Variants in SPTBN1 observed in about 807,000 individuals in gnomAD.
SPTBN1 encodes the protein spectrin beta, non-erythrocytic 1, also known as spectrin beta chain, non-erythrocytic 1.
In SPTBN1, 32 loss-of-function variants were observed where a neutral mutation model predicts 266.4. The observed-to-expected ratio is 0.12, with a 90% confidence interval of 0.09 to 0.16. The LOEUF (loss-of-function observed/expected upper bound fraction) is 0.16, where lower values mean the gene tolerates loss of function less well. Ranked by LOEUF, SPTBN1 falls within the 10% of genes least tolerant of loss-of-function variation. The pLI, the probability that SPTBN1 is intolerant of heterozygous loss-of-function variation, is 1.00. For synonymous variants in SPTBN1, 1,336 were observed against 1,162.2 expected, an observed-to-expected ratio of 1.15 and a Z score of -3.04; for missense variants, 2,296 against 3,067.1, an observed-to-expected ratio of 0.75 and a Z score of 5.94.
In SPTBN1 at chr2:54,667,636, C is replaced by G; in HGVS notation, c.6866C>G (p.Ala2289Gly). The G allele has an allele frequency of 6.2e-7, 1 of 1,613,710 alleles. No individual in the cohort carries two copies. Among genetic ancestry groups the G allele is most frequent in the African/African-American group, 1.3e-5 (1 of 75,024 alleles). The stretch of plus-strand genomic sequence containing the variant: ...GATGGCAATGAGTACCTCTTCCAAG[C>G]CAAAGACGATGTAAGTTTCTAAATG... ...LNDGNEYLFQ[A>G]KDDEEMNTWI... Residue 2289 changes from alanine (A) to glycine (G), a missense_variant, in exon 35 of 36, where the codon GCC becomes GGC. Physicochemically the swap from Ala to Gly is moderately conservative, Grantham distance 60. Coordinates refer to ENST00000356805, the MANE Select transcript of SPTBN1 (RefSeq NM_003128.3).
Position 54,533,111 on chromosome 2 carries a change from G to A in SPTBN1, c.148+6545G>A, listed in dbSNP as rs75141717. 6.3e-3 allele frequency among the ~76,000 whole-genome samples: 957 copies of A among 152,100 alleles called. 3 individuals carry two copies. The highest frequency in any genetic ancestry group is 8.4e-3 in the Non-Finnish European group (573 of 67,994). On this transcript the variant is annotated intron_variant, in intron 2 of 35. Transcript: ENST00000356805. The surrounding 1 kb of genome is among the most constrained non-coding windows in gnomAD (Gnocchi z 4.2). ...TGACAGTTAATCTGATAATCAAGACGGCTGCTAAGTGACTAACAGGGAGCG... is the reference window on the plus strand; with the variant it reads ...TGACAGTTAATCTGATAATCAAGACAGCTGCTAAGTGACTAACAGGGAGCG...
chr2:54,577,673 GA>G (rs1343307151), intron 2 of SPTBN1, among the ~76,000 whole-genome samples: 1 of 152,172 alleles, frequency 6.6e-6, no homozygotes, highest in East Asian at 1.9e-4. Flanking sequence ...TGAAGATGAG[GA>G]AACTGAGGCA....
chr2:54,660,781 C>T (rs772215174), intron 32 of SPTBN1: 15 of 985,328 alleles, frequency 1.5e-5, no homozygotes, highest in Non-Finnish European at 1.7e-5. Context: ...CAGCCAGCCT[C>T]AGGAGTAAAG....
chr2:54,572,404 G>A (rs928992830), intron 2 of SPTBN1, among the ~76,000 whole-genome samples: 1 of 152,132 alleles, frequency 6.6e-6, no homozygotes, highest in African/African-American at 2.4e-5. Flanking sequence ...ACCATAAAAC[G>A]AACACAGCTT....
intron 1 of SPTBN1, among the ~76,000 whole-genome samples, chr2:54,524,735 C>T (rs943693241): frequency 1.3e-5 from 2 of 152,244 alleles, no homozygotes; most frequent in Non-Finnish European, 2.9e-5. Flanking sequence ...CCTCCCTAAC[C>T]TTGTCTCCGA....
At position 54,616,241 on chromosome 2, in the gene SPTBN1, A is replaced by G. The variant is rs1677598198; in HGVS notation, c.509A>G (p.Lys170Arg). 1 of 1,613,974 alleles carries G rather than the reference A, an allele frequency of 6.2e-7. No homozygotes were observed. The highest frequency in any genetic ancestry group is 8.5e-7 in the Non-Finnish European group (1 of 1,179,958). The change falls in exon 5 of 36, where the codon AAA becomes AGA. Residue 170 changes from lysine (K) to arginine (R), a missense_variant. By Grantham distance (26) the Lys-to-Arg change is conservative. Transcript: ENST00000356805. ...ATCAGTGTGGAAACTGAAGACAACAAAGAGAAGAAATCTGCCAAGGATGCA... is the reference window on the plus strand; with the variant it reads ...ATCAGTGTGGAAACTGAAGACAACAGAGAGAAGAAATCTGCCAAGGATGCA... ...QDISVETEDN[K>R]EKKSAKDALL... is the part of the protein sequence containing the mutation.
intron 2 of SPTBN1, among the ~76,000 whole-genome samples, chr2:54,566,228 G>A (rs889146074): frequency 6.5e-5 from 9 of 138,556 alleles, no homozygotes; most frequent in South Asian, 2.2e-4. Context: ...TCACTGTGTC[G>A]CCCAGGCTGG....
intron 20 of SPTBN1, 152 bp downstream of exon 20, chr2:54,644,738 G>C: frequency 9.7e-7 from 1 of 1,036,088 alleles, no homozygotes; most frequent in Non-Finnish European, 1.4e-6. Context: ...CAGCATCGTA[G>C]AACATTTCCA....
At chr2:54,481,423 TGTGTGTGTGTGTGTGTG>T (rs542890223) in intron 1 of SPTBN1, among the ~76,000 whole-genome samples, 20,968 of 135,326 alleles carry the variant, frequency 0.15, 1,524 homozygotes, top group Middle Eastern at 0.17. Flanking sequence ...TGTGTGTGTG[TGTGTGTGTGTGTGTGTG>T]TTTTGTTTTG....
At chr2:54,605,952 A>G (rs931543187) in intron 3 of SPTBN1, among the ~76,000 whole-genome samples, 1 of 151,916 alleles carries the variant, frequency 6.6e-6, no homozygotes, top group African/African-American at 2.4e-5. Flanking sequence ...AACTTCTTCA[A>G]CCTGCGTGAA....
At position 54,653,909 on chromosome 2, in the gene SPTBN1, G is replaced by T; in HGVS notation, c.5822+56G>T. Reference sequence around the variant, plus strand: ...TTATTGGCGCTTGGTTAAAACACAGGAGTCTTCCAGAGAGAAGCAGGAGCC... The same window carrying T: ...TTATTGGCGCTTGGTTAAAACACAGTAGTCTTCCAGAGAGAAGCAGGAGCC... On this transcript the variant is annotated intron_variant, in intron 27 of 35. Coordinates refer to ENST00000356805, the MANE Select transcript of SPTBN1 (RefSeq NM_003128.3). This position sits in a 1 kb window ranked among gnomAD's most constrained non-coding sequence, Gnocchi z 5.1. The T allele has an allele frequency of 6.3e-7, 1 of 1,579,152 alleles. No individual in the cohort carries two copies. Among genetic ancestry groups the T allele is most frequent in the South Asian group, 1.2e-5 (1 of 84,940 alleles).
intron 1 of SPTBN1, among the ~76,000 whole-genome samples, chr2:54,517,702 G>GT (rs1670190253): frequency 6.6e-6 from 1 of 151,052 alleles, no homozygotes; most frequent in Admixed American, 6.6e-5. Flanking sequence ...CTGGAGTGTA[G>GT]TAGCGCTATC....
intron 2 of SPTBN1, among the ~76,000 whole-genome samples, chr2:54,538,100 G>A (rs182653332): frequency 3.9e-5 from 6 of 152,270 alleles, no homozygotes; most frequent in Admixed American, 2.6e-4. Context: ...AAAATGCAAG[G>A]TGATGTTTAC....
At chr2:54,501,068 C>G (rs977922719) in intron 1 of SPTBN1, among the ~76,000 whole-genome samples, 1 of 152,192 alleles carries the variant, frequency 6.6e-6, no homozygotes, top group African/African-American at 2.4e-5. Context: ...ATGTCAGATT[C>G]TCTGATTACA....
At chr2:54,503,494 C>A (rs1487047503) in intron 1 of SPTBN1, among the ~76,000 whole-genome samples, 4 of 152,186 alleles carry the variant, frequency 2.6e-5, no homozygotes, top group African/African-American at 9.6e-5. Flanking sequence ...CACCTACACT[C>A]TTGAAAATCT....
rs114488424 is a variant in SPTBN1, at chr2:54,586,264, A to G, written c.149-12828A>G. Among the ~76,000 whole-genome samples, 333 of 152,280 alleles carry G rather than the reference A, an allele frequency of 2.2e-3. 1 individual carries two copies. Among genetic ancestry groups the G allele is most frequent in the African/African-American group, 7.6e-3 (316 of 41,564 alleles). ...TGAGACAGTCGTATTTAATTTATCAATCTGTCGTTTCAACCCTGAACTTTT... is the reference window on the plus strand; with the variant it reads ...TGAGACAGTCGTATTTAATTTATCAGTCTGTCGTTTCAACCCTGAACTTTT... On this transcript the variant is annotated intron_variant, in intron 2 of 35. Coordinates refer to ENST00000356805, the MANE Select transcript of SPTBN1 (RefSeq NM_003128.3).
chr2:54,628,027 C>T lies in SPTBN1; in HGVS notation c.1645-70C>T, dbSNP rs1409140005. 7.9e-6 allele frequency: 12 copies of T among 1,520,328 alleles called. No homozygotes were observed. The highest frequency in any genetic ancestry group is 6.9e-5 in the African/African-American group (5 of 72,164). 94.2% of individuals were successfully genotyped at this position (1,520,328 alleles called of 1,614,324 possible). A position where few individuals can be genotyped will look rare whatever the true frequency, so the allele number is the denominator to read the frequency against. On this transcript the variant is annotated intron_variant, in intron 12 of 35. Transcript: ENST00000356805. The surrounding 1 kb of genome is among the most constrained non-coding windows in gnomAD (Gnocchi z 4.3). The stretch of plus-strand genomic sequence containing the variant: ...GCTTCATTGCTGGCTCTCTGCTTGT[C>T]GAAAGATGATGTGATGCTGAAGTCA...
Position 54,653,648 on chromosome 2 carries a change from G to A in SPTBN1, c.5617G>A (p.Ala1873Thr). 6 of 1,614,024 alleles carry A rather than the reference G, an allele frequency of 3.7e-6. No individual in the cohort carries two copies. Among genetic ancestry groups the A allele is most frequent in the Non-Finnish European group, 5.1e-6 (6 of 1,180,000 alleles). The change falls in exon 27 of 36, where the codon GCC (alanine) becomes ACC (threonine). Residue 1873 changes from alanine to threonine, a missense_variant. Transcript: ENST00000356805. The surrounding 1 kb of genome is among the most constrained non-coding windows in gnomAD (Gnocchi z 5.1). ...LQEDAARLQA[A>T]YAGDKADDIQ... ...GGAGGATGCAGCCCGCCTCCAGGCG[G>A]CCTATGCGGGTGACAAGGCCGACGA...
intron 1 of SPTBN1, among the ~76,000 whole-genome samples, chr2:54,503,883 G>A (rs149712816): frequency 2.0e-3 from 311 of 152,308 alleles, no homozygotes; most frequent in African/African-American, 7.3e-3. Flanking sequence ...ATATATGGAA[G>A]ATGTTAAGGA....
Sources: allele counts gnomAD v4.1 joint callset (sites outside exome capture counted in the v4.1 genomes callset), GRCh38; gene constraint gnomAD v4.1.1; non-coding constraint Gnocchi (gnomAD v3.1); transcripts MANE v1.5; gene names NCBI Gene and HGNC (gene_info 2026-07-23, HGNC 2026-07-21).